The following OPHN1 variants were observed in gnomAD, a reference collection of about 807,000 sequenced individuals.
OPHN1 encodes the protein oligophrenin 1.
OPHN1 carries 11 observed loss-of-function variants against 60.7 expected under a neutral mutation model. The ratio of observed to expected loss-of-function variants is 0.18; its 90% CI spans 0.11 to 0.30. OPHN1 has a LOEUF of 0.30. Among genes scored for constraint, OPHN1 ranks in the 10% least tolerant of loss-of-function variants. OPHN1 has a pLI of 1.00. For synonymous variants in OPHN1, 226 were observed against 222.6 expected (o/e 1.02, Z -0.14); for missense variants, 449 against 611.0 (o/e 0.73, Z 2.80).
intron 5 of OPHN1, among the ~76,000 whole-genome samples, chrX:68,260,445 C>T (rs745379868): frequency 2.1e-4 from 23 of 109,903 alleles, no homozygotes; most frequent in African/African-American, 4.3e-4. Flanking sequence ...TCTTCTGATA[C>T]GAGCCCCACA....
At chrX:68,103,817 G>T (rs2077070137) in intron 18 of OPHN1, among the ~76,000 whole-genome samples, 1 of 111,599 alleles carries the variant, frequency 9.0e-6, no homozygotes, top group African/African-American at 3.3e-5. Context: ...GGAAGTTCTG[G>T]CCAGGGCAAT....
At chrX:68,217,945 C>T (rs1292952461) in intron 6 of OPHN1, among the ~76,000 whole-genome samples, 1 of 86,031 alleles carries the variant, frequency 1.2e-5, no homozygotes, top group Non-Finnish European at 2.4e-5. Context: ...CTTTGACGAG[C>T]TGAGAGAAGA....
intron 21 of OPHN1, among the ~76,000 whole-genome samples, chrX:68,055,136 G>T (rs1355317835): frequency 1.8e-5 from 2 of 111,397 alleles, no homozygotes; most frequent in African/African-American, 6.5e-5. Context: ...AATCAAATTG[G>T]TCTGCCTACT....
intron 20 of OPHN1, among the ~76,000 whole-genome samples, chrX:68,066,593 A>G: frequency 9.0e-6 from 1 of 111,715 alleles, no homozygotes; most frequent in Non-Finnish European, 1.9e-5. Flanking sequence ...TAATGAGAAT[A>G]ATACTGATAA....
At chrX:68,249,269 T>C (rs938564891) in intron 5 of OPHN1, among the ~76,000 whole-genome samples, 1 of 112,080 alleles carries the variant, frequency 8.9e-6, no homozygotes, top group African/African-American at 3.2e-5. Flanking sequence ...CTATGGAGAT[T>C]GCTGTGTTTT....
rs2078365308 is a variant in OPHN1 at position 68,343,555 on chromosome X, T to C, written c.155-44459A>G. On this transcript the variant is annotated intron_variant, in intron 2 of 24. Coordinates refer to ENST00000355520, the MANE Select transcript of OPHN1 (RefSeq NM_002547.3). ...TGAGTGATTGCCCATGGTTGTGGGT[T>C]TGAAGGAAATAATAGAAACCAATGA... Among the ~76,000 whole-genome samples, 3 of 110,805 alleles carry C rather than the reference T, an allele frequency of 2.7e-5. No individual in the cohort carries two copies. The South Asian group carries it at 1.1e-3, about 42-fold the overall frequency.
chrX:68,367,097 C>T (rs1358343159), intron 2 of OPHN1, among the ~76,000 whole-genome samples: 5 of 110,791 alleles, frequency 4.5e-5, no homozygotes, highest in Non-Finnish European at 9.4e-5. Flanking sequence ...TGGTGGCTCA[C>T]GCCTGTAATC....
chrX:68,428,818 AC>A (rs1240046497), intron 2 of OPHN1, among the ~76,000 whole-genome samples: 1 of 111,765 alleles, frequency 8.9e-6, no homozygotes, highest in African/African-American at 3.3e-5. Flanking sequence ...CAATATAGTC[AC>A]CTTTCAGAGG....
chrX:68,152,589 C>T (rs746740835), intron 15 of OPHN1, among the ~76,000 whole-genome samples: 2 of 109,724 alleles, frequency 1.8e-5, no homozygotes, highest in African/African-American at 3.3e-5. Flanking sequence ...ACCACAGGCA[C>T]ATGCCACCAT....
At chrX:68,110,807 C>T (rs1352716046) in intron 18 of OPHN1, among the ~76,000 whole-genome samples, 1 of 111,984 alleles carries the variant, frequency 8.9e-6, no homozygotes, top group Non-Finnish European at 1.9e-5. Context: ...CATCAGTGTC[C>T]ACAATATTCA....
intron 6 of OPHN1, among the ~76,000 whole-genome samples, chrX:68,222,594 C>T (rs898581973): frequency 9.5e-6 from 1 of 105,715 alleles, no homozygotes; most frequent in Non-Finnish European, 1.9e-5. Flanking sequence ...GAATAGTATG[C>T]AGCCATAAAA....
chrX:68,069,840 G>A (rs989403584), intron 20 of OPHN1, among the ~76,000 whole-genome samples: 2 of 111,212 alleles, frequency 1.8e-5, no homozygotes, highest in Non-Finnish European at 3.8e-5. Flanking sequence ...AGGGCCAAGA[G>A]AGTAGCAAAT....
intron 6 of OPHN1, among the ~76,000 whole-genome samples, chrX:68,220,925 T>C (rs1171549407): frequency 1.3e-5 from 1 of 75,099 alleles, no homozygotes; most frequent in African/African-American, 3.7e-5. Flanking sequence ...TTGGAAGTTC[T>C]GGCCAGGGCA....
chrX:68,063,963 CT>C lies in OPHN1; in HGVS notation c.2048del (p.Lys683ArgfsTer24), dbSNP rs1386562132. On this transcript the variant is annotated frameshift_variant, in exon 21 of 25. Transcript: ENST00000355520. LOFTEE classifies it high-confidence loss of function. ...GTCCATTGGTGGCCTTTGGGGTGAT[CT>C]TGGTCCCTCCATCCTGCAGCCTAGA... ...LVSRLQDGGTKITPKATNGPM... is the reference protein window; with the variant it reads ...LVSRLQDGGTXITPKATNGPM... 8.3e-7 allele frequency: 1 copy of C among 1,206,901 alleles called. No homozygotes were observed. The highest frequency in any genetic ancestry group is 1.8e-5 in the African/African-American group (1 of 56,517).
intron 2 of OPHN1, among the ~76,000 whole-genome samples, chrX:68,335,706 A>C (rs988999132): frequency 9.0e-6 from 1 of 111,626 alleles, no homozygotes; most frequent in Non-Finnish European, 1.9e-5. Context: ...AGGCAGGTGG[A>C]TCACTTGAGG....
intron 19 of OPHN1, among the ~76,000 whole-genome samples, chrX:68,088,093 C>T (rs2077002102): frequency 1.8e-5 from 2 of 111,383 alleles, no homozygotes; most frequent in Admixed American, 9.6e-5. Context: ...ATCCAATATA[C>T]TTATGGGAAA....
rs752918613 is a variant in OPHN1 at position 68,073,264 on chromosome X, C to T, written c.1722G>A (p.Pro574=). The part of the protein sequence containing the change: ...YLGPPEESAA[P]PVPPPRVTAR... ...CTGTCACCCGAGGCGGAGGCACTGGCGGTGCAGCGCTTTCCTCAGGTGGAC... is the reference window on the plus strand; with the variant it reads ...CTGTCACCCGAGGCGGAGGCACTGGTGGTGCAGCGCTTTCCTCAGGTGGAC... The change falls in exon 20 of 25, where the codon CCG becomes CCA. Residue 574 remains proline (P), a synonymous_variant. Transcript: ENST00000355520. The T allele has an allele frequency of 1.4e-5, 17 of 1,208,859 alleles. No homozygotes were observed. The African/African-American group carries it at 1.9e-4, about 14-fold the overall frequency.
At chrX:68,320,409 C>G (rs1443652376) in intron 2 of OPHN1, among the ~76,000 whole-genome samples, 1 of 110,972 alleles carries the variant, frequency 9.0e-6, no homozygotes, top group East Asian at 2.8e-4. Flanking sequence ...ATCAGAAAGG[C>G]TAAAACAAAA....
At chrX:68,404,742 C>CA (rs1169382099) in intron 2 of OPHN1, among the ~76,000 whole-genome samples, 1 of 110,767 alleles carries the variant, frequency 9.0e-6, no homozygotes, top group African/African-American at 3.3e-5. Flanking sequence ...AAGAATAAAC[C>CA]AAAAAAAGAA....
Sources: gnomAD v4.1 joint callset for allele counts (sites outside exome capture counted in the v4.1 genomes callset) on GRCh38, gnomAD v4.1.1 for gene constraint, MANE v1.5 for transcripts, NCBI Gene and HGNC (gene_info 2026-07-23, HGNC 2026-07-21) for gene names.